The following CNTN5 variants were observed in gnomAD, a reference collection of about 807,000 sequenced individuals.
The protein encoded by CNTN5 is contactin 5, also known as contactin-5.
In CNTN5, 77 loss-of-function variants were observed where a neutral mutation model predicts 129.1. That is an observed-to-expected ratio of 0.60 (90% CI 0.50 to 0.72). CNTN5 has a LOEUF of 0.72. Among genes scored for constraint, CNTN5 ranks in the 30% least tolerant of loss-of-function variants. The pLI is 0.00. For synonymous variants in CNTN5, 509 were observed against 465.6 expected (o/e 1.09, Z -1.20); for missense variants, 1,478 against 1,328.8 (o/e 1.11, Z -1.75).
chr11:99,370,921 T>C (rs1297401794), intron 2 of CNTN5, among the ~76,000 whole-genome samples: 3 of 152,100 alleles, frequency 2.0e-5, no homozygotes, highest in African/African-American at 7.2e-5. Context: ...TCTCCTACAG[T>C]GTTTGGGAGA....
chr11:100,127,897 G>C (rs1289311446), intron 13 of CNTN5, among the ~76,000 whole-genome samples: 3 of 151,626 alleles, frequency 2.0e-5, no homozygotes, highest in African/African-American at 7.3e-5. Context: ...CTGACCTCAG[G>C]TGATCTGCCC....
At chr11:99,115,434 T>C (rs1857996888) in intron 1 of CNTN5, among the ~76,000 whole-genome samples, 1 of 152,138 alleles carries the variant, frequency 6.6e-6, no homozygotes, top group African/African-American at 2.4e-5. Flanking sequence ...GAAATCAGTG[T>C]TGACATCAAG....
intron 20 of CNTN5, among the ~76,000 whole-genome samples, chr11:100,302,199 G>T (rs558821485): frequency 6.6e-6 from 1 of 151,456 alleles, no homozygotes; most frequent in Non-Finnish European, 1.5e-5. Flanking sequence ...TACTTAAAAA[G>T]GAGTGAGCAT....
At chr11:100,255,973 A>G in intron 17 of CNTN5, 55 bp downstream of exon 17, 1 of 1,511,584 alleles carries the variant, frequency 6.6e-7, no homozygotes, top group Non-Finnish European at 9.1e-7. Flanking sequence ...CTATCTCATA[A>G]GCTATATTTG....
intron 1 of CNTN5, among the ~76,000 whole-genome samples, chr11:99,087,899 G>A (rs1384777902): frequency 6.6e-6 from 1 of 152,112 alleles, no homozygotes; most frequent in Non-Finnish European, 1.5e-5. Flanking sequence ...CAACCTATGT[G>A]GCCACAGAGT....
At chr11:99,571,915 T>A (rs1293384540) in intron 3 of CNTN5, among the ~76,000 whole-genome samples, 1 of 152,170 alleles carries the variant, frequency 6.6e-6, no homozygotes, top group African/African-American at 2.4e-5. Context: ...CTATAAAGAC[T>A]TTGAAGAAAG....
At chr11:100,001,953 A>T in intron 8 of CNTN5, 81 bp from the exon 9 acceptor site, 1 of 1,008,910 alleles carries the variant, frequency 9.9e-7, no homozygotes, top group South Asian at 1.6e-5. Context: ...AACCACAGTG[A>T]TTTTCAATGT....
intron 3 of CNTN5, among the ~76,000 whole-genome samples, chr11:99,711,578 CTCA>C: frequency 6.6e-6 from 1 of 152,008 alleles, no homozygotes; most frequent in South Asian, 2.1e-4. Flanking sequence ...GTTTGCTGCA[CTCA>C]TCAGCCCATC....
At chr11:99,043,754 A>C (rs1420609615) in intron 1 of CNTN5, among the ~76,000 whole-genome samples, 1 of 152,190 alleles carries the variant, frequency 6.6e-6, no homozygotes, top group Non-Finnish European at 1.5e-5. Flanking sequence ...AGACAGTCTC[A>C]GTTTAAAGAC....
chr11:99,293,195 T>C (rs1303188731), intron 1 of CNTN5, among the ~76,000 whole-genome samples: 2 of 152,168 alleles, frequency 1.3e-5, no homozygotes, highest in African/African-American at 4.8e-5. Context: ...ATACGATTTT[T>C]ATCCTTGATT....
At position 99,408,428 on chromosome 11, in the gene CNTN5, A is replaced by AAAAGAAAGAAAGAAAGAAAGAAAGAAAG. The variant is rs1156931446; in HGVS notation, c.-71+82965_-71+82966insAAGAAAGAAAGAAAGAAAGAAAGAAAGA. Reference sequence around the variant, plus strand: ...GAGAGAGAAAGAAAGGAAGGAAAGAAAAAGAAAGAAAGAAAGAAAGAGAAA... The same window carrying AAAAGAAAGAAAGAAAGAAAGAAAGAAAG: ...GAGAGAGAAAGAAAGGAAGGAAAGAAAAAGAAAGAAAGAAAGAAAGAAAGAAAGAAAGAAAGAAAGAAAGAAAGAGAAA... On this transcript the variant is annotated intron_variant, in intron 2 of 24. Transcript: ENST00000524871. 1.5e-3 allele frequency among the ~76,000 whole-genome samples: 136 copies of AAAAGAAAGAAAGAAAGAAAGAAAGAAAG among 93,480 alleles called. 3 individuals carry two copies. Among genetic ancestry groups the AAAAGAAAGAAAGAAAGAAAGAAAGAAAG allele is most frequent in the East Asian group, 6.1e-3 (19 of 3,104 alleles). 61.3% of individuals were successfully genotyped at this position (93,480 alleles called of 152,430 possible).
chr11:99,865,020 C>A (rs1181493257), intron 6 of CNTN5, among the ~76,000 whole-genome samples: 1 of 152,156 alleles, frequency 6.6e-6, no homozygotes, highest in East Asian at 1.9e-4. Flanking sequence ...GAATCAGTTG[C>A]CTCTGCCTTA....
intron 2 of CNTN5, among the ~76,000 whole-genome samples, chr11:99,437,778 G>A (rs941489432): frequency 1.1e-4 from 16 of 152,084 alleles, no homozygotes; most frequent in Non-Finnish European, 5.9e-5. Context: ...AGCTGAGATC[G>A]CACACTTGCA....
intron 1 of CNTN5, among the ~76,000 whole-genome samples, chr11:99,036,823 C>G (rs1863758514): frequency 6.6e-6 from 1 of 152,034 alleles, no homozygotes; most frequent in Admixed American, 6.6e-5. Flanking sequence ...TTGAACATCC[C>G]TTTATGTTTA....
At chr11:100,159,150 T>A (rs1947354626) in intron 13 of CNTN5, among the ~76,000 whole-genome samples, 1 of 151,648 alleles carries the variant, frequency 6.6e-6, no homozygotes, top group South Asian at 2.1e-4. Flanking sequence ...ACAGGAAAAG[T>A]CAATGAATAA....
intron 6 of CNTN5, among the ~76,000 whole-genome samples, chr11:99,905,034 T>C (rs972305086): frequency 1.3e-5 from 2 of 152,152 alleles, no homozygotes; most frequent in East Asian, 3.9e-4. Flanking sequence ...TGTAGATTCT[T>C]GATGTTGGCC....
intron 3 of CNTN5, among the ~76,000 whole-genome samples, chr11:99,723,146 A>G (rs529622062): frequency 6.6e-6 from 1 of 151,936 alleles, no homozygotes; most frequent in Non-Finnish European, 1.5e-5. Context: ...TAGGAATTCT[A>G]TGACCTGGTA....
chr11:99,090,849 C>T (rs1209389367), intron 1 of CNTN5, among the ~76,000 whole-genome samples: 1 of 151,540 alleles, frequency 6.6e-6, no homozygotes, highest in Non-Finnish European at 1.5e-5. Context: ...GGTGAAACCC[C>T]GTCTCTACTA....
rs148153513 is a variant in CNTN5 at position 100,249,210 on chromosome 11, A to G, written c.2006-6550A>G. On this transcript the variant is annotated intron_variant, in intron 16 of 24. Transcript: ENST00000524871. Reference sequence around the variant, plus strand: ...TTAAAGATTCCAAGGAGATATATATATATGTACACATATACATTTTATTCA... The same window carrying G: ...TTAAAGATTCCAAGGAGATATATATGTATGTACACATATACATTTTATTCA... Among the ~76,000 whole-genome samples the G allele has an allele frequency of 7.2e-3, 1,095 of 152,310 alleles. 18 individuals carry two copies. The highest frequency in any genetic ancestry group is 0.025 in the African/African-American group (1,032 of 41,564).
Sources: allele counts gnomAD v4.1 joint callset (sites outside exome capture counted in the v4.1 genomes callset), GRCh38; gene constraint gnomAD v4.1.1; transcripts MANE v1.5; gene names NCBI Gene and HGNC (gene_info 2026-07-23, HGNC 2026-07-21).